CTBP2: variants seen among roughly 807,000 people sequenced by gnomAD.
CTBP2 encodes the protein C-terminal binding protein 2, also known as C-terminal-binding protein 2.
CTBP2 carries 30 observed loss-of-function variants against 80.3 expected under a neutral mutation model. The ratio of observed to expected loss-of-function variants is 0.37; its 90% CI spans 0.28 to 0.51. CTBP2 has a LOEUF of 0.51. Among genes scored for constraint, CTBP2 ranks in the 20% least tolerant of loss-of-function variants. The pLI is 0.93. For synonymous variants in CTBP2, 594 were observed against 587.4 expected (o/e 1.01, Z -0.16); for missense variants, 1,212 against 1,375.3 (o/e 0.88, Z 1.88).
intron 2 of CTBP2, among the ~76,000 whole-genome samples, chr10:125,079,841 T>C (rs1824522211): frequency 6.6e-6 from 1 of 152,180 alleles, no homozygotes; most frequent in South Asian, 2.1e-4. Context: ...GATTTAGAAA[T>C]TGCAATCCTC....
At position 125,013,125 on chromosome 10, in the gene CTBP2, A is replaced by G. The variant is rs547548923; in HGVS notation, c.1679-9633T>C. Among the ~76,000 whole-genome samples the G allele has an allele frequency of 2.6e-5, 4 of 152,090 alleles. No individual in the cohort carries two copies. In the South Asian group the frequency reaches 8.3e-4, roughly 32 times the overall value. On this transcript the variant is annotated intron_variant, in intron 1 of 8. Transcript: ENST00000309035. Reference sequence around the variant, plus strand: ...GGTTCCAGCCCACAGCTCCTAAACTATGAGATTCTCAGTTCAAAGGCCCAA... The same window carrying G: ...GGTTCCAGCCCACAGCTCCTAAACTGTGAGATTCTCAGTTCAAAGGCCCAA...
intron 3 of CTBP2, among the ~76,000 whole-genome samples, chr10:125,034,286 G>A (rs1460423121): frequency 2.0e-5 from 3 of 152,228 alleles, no homozygotes; most frequent in Non-Finnish European, 4.4e-5. Context: ...CCCACTCTGA[G>A]TTTCTCTTAA....
chr10:125,153,228 C>T (rs1234646964), intron 1 of CTBP2, among the ~76,000 whole-genome samples: 1 of 152,256 alleles, frequency 6.6e-6, no homozygotes, highest in Non-Finnish European at 1.5e-5. Flanking sequence ...GTTCCTGGGA[C>T]ATGGCTTTAA....
At chr10:125,032,693 G>GT (rs1369630006), upstream of CTBP2, 1 of 154,686 alleles carries the variant, frequency 6.5e-6, no homozygotes, top group Non-Finnish European at 1.5e-5. Flanking sequence ...TTTTCATTTT[G>GT]TTTGACACCC....
chr10:125,003,520 T>C (rs1954822971), intron 1 of CTBP2, 28 bp from the exon 4 acceptor site: 1 of 1,513,726 alleles, frequency 6.6e-7, no homozygotes, highest in Non-Finnish European at 8.8e-7. Flanking sequence ...GTGAGCACAG[T>C]GGGTGGGTGG....
intron 1 of CTBP2, among the ~76,000 whole-genome samples, chr10:125,131,194 G>T (rs1242598774): frequency 2.6e-5 from 4 of 152,198 alleles, no homozygotes; most frequent in African/African-American, 9.7e-5. Context: ...TTCCACTGCG[G>T]GATTCAGAAC....
chr10:125,024,027 G>A (rs1205896640), intron 1 of CTBP2, among the ~76,000 whole-genome samples: 2 of 152,166 alleles, frequency 1.3e-5, no homozygotes, highest in East Asian at 1.9e-4. Flanking sequence ...AGATGGCCGC[G>A]TCCTGGACCA....
Position 125,027,890 on chromosome 10 carries a change from TTC to T in CTBP2, c.-133_-132del, listed in dbSNP as rs1446303204. On this transcript the variant is annotated 5_prime_UTR_variant, in exon 1 of 9. Transcript: ENST00000309035. Reference sequence around the variant, plus strand: ...CGGCAGGGACAACCAACTGGGGGTTTTCTGTTTCAAAGCATGGCCTGAATTAT... The same window carrying T: ...CGGCAGGGACAACCAACTGGGGGTTTTGTTTCAAAGCATGGCCTGAATTAT... The T allele has an allele frequency of 7.0e-7, 1 of 1,426,762 alleles. No individual in the cohort carries two copies. Among genetic ancestry groups the T allele is most frequent in the Non-Finnish European group, 9.1e-7 (1 of 1,094,664 alleles). 88.4% of individuals were successfully genotyped at this position (1,426,762 alleles called of 1,614,324 possible). A position where few individuals can be genotyped will look rare whatever the true frequency, so the allele number is the denominator to read the frequency against.
intron 1 of CTBP2, among the ~76,000 whole-genome samples, chr10:125,010,746 A>AG (rs1473401803): frequency 6.6e-6 from 1 of 152,228 alleles, no homozygotes; most frequent in Non-Finnish European, 1.5e-5. Context: ...ATGAGAGAGC[A>AG]GCGTGGTACA....
chr10:125,009,173 A>G (rs575136877), intron 1 of CTBP2, among the ~76,000 whole-genome samples: 6 of 152,280 alleles, frequency 3.9e-5, no homozygotes, highest in African/African-American at 1.4e-4. Context: ...CTTTCTGCAG[A>G]AAGTAAAAAT....
intron 2 of CTBP2, among the ~76,000 whole-genome samples, chr10:125,040,454 T>TTAAA (rs1352451471): frequency 1.9e-5 from 2 of 104,438 alleles, no homozygotes; most frequent in Non-Finnish European, 3.6e-5. Context: ...ACTCTGTCTT[T>TTAAA]AAAAAAAAAA....
At chr10:125,089,607 CAGA>C (rs1362004826) in intron 2 of CTBP2, among the ~76,000 whole-genome samples, 2 of 152,192 alleles carry the variant, frequency 1.3e-5, no homozygotes, top group African/African-American at 4.8e-5. Context: ...TGAACACACC[CAGA>C]AGGACCAGCC....
At chr10:125,016,807 C>T (rs535777880) in intron 1 of CTBP2, among the ~76,000 whole-genome samples, 2 of 152,246 alleles carry the variant, frequency 1.3e-5, no homozygotes, top group Non-Finnish European at 2.9e-5. Context: ...GTAACTTCTA[C>T]AGCATCCCAG....
chr10:125,136,498 T>C (rs1403413930), intron 1 of CTBP2, among the ~76,000 whole-genome samples: 1 of 152,204 alleles, frequency 6.6e-6, no homozygotes, highest in Non-Finnish European at 1.5e-5. Context: ...GCCCAGCTCA[T>C]TAGCCTTGAG....
upstream of CTBP2, among the ~76,000 whole-genome samples, chr10:125,029,633 G>A (rs911570015): frequency 9.2e-5 from 14 of 152,162 alleles, no homozygotes; most frequent in Non-Finnish European, 2.9e-5. Context: ...ACCTTATGTG[G>A]TGTTAGTACT....
rs1952200679 is a variant in CTBP2, at chr10:124,988,848, ATATT to A, written c.*666_*669del. The A allele has an allele frequency of 6.6e-6, 1 of 152,212 alleles. No individual in the cohort carries two copies. Among genetic ancestry groups the A allele is most frequent in the Non-Finnish European group, 1.5e-5 (1 of 68,028 alleles). The allele number at this position is 152,212 out of a possible 1,614,324, so 9.4% of individuals were successfully genotyped here. On this transcript the variant is annotated 3_prime_UTR_variant, in exon 9 of 9. Coordinates refer to ENST00000309035, the MANE Select transcript of CTBP2 (RefSeq NM_022802.3). ...GCAGAGGATCTGAAACTGAGAAAATATATTTGAGTACAAACAGCTTGTGAAACTT... is the reference window on the plus strand; with the variant it reads ...GCAGAGGATCTGAAACTGAGAAAATATGAGTACAAACAGCTTGTGAAACTT...
chr10:125,142,064 G>C (rs781563287), intron 1 of CTBP2, among the ~76,000 whole-genome samples: 6 of 152,208 alleles, frequency 3.9e-5, no homozygotes, highest in Non-Finnish European at 8.8e-5. Flanking sequence ...AGGGAGCATG[G>C]CCTTAGATGC....
chr10:125,057,066 C>T (rs184774197), intron 2 of CTBP2, among the ~76,000 whole-genome samples: 1 of 152,340 alleles, frequency 6.6e-6, no homozygotes, highest in African/African-American at 2.4e-5. Flanking sequence ...GCTCCGTTCC[C>T]CATGCCAGGT....
At chr10:124,990,247 G>A (rs1295102824) in intron 8 of CTBP2, among the ~76,000 whole-genome samples, 3 of 151,840 alleles carry the variant, frequency 2.0e-5, no homozygotes, top group African/African-American at 7.3e-5. Context: ...GTTTCACCAC[G>A]TTGGCCAGGA....
Sources: gnomAD v4.1 joint callset for allele counts (sites outside exome capture counted in the v4.1 genomes callset) on GRCh38, gnomAD v4.1.1 for gene constraint, MANE v1.5 for transcripts, NCBI Gene and HGNC (gene_info 2026-07-23, HGNC 2026-07-21) for gene names.